The following ANKS1B variants were observed in gnomAD, a reference collection of about 807,000 sequenced individuals.
ANKS1B encodes the protein ankyrin repeat and sterile alpha motif domain-containing protein 1B.
In ANKS1B, 36 loss-of-function variants were observed where a neutral mutation model predicts 148.3. That is an observed-to-expected ratio of 0.24 (90% CI 0.19 to 0.32). The LOEUF is 0.32. ANKS1B is among the 10% of genes least tolerant of loss of function. The pLI is 1.00. For synonymous variants in ANKS1B, 542 were observed against 560.8 expected (o/e 0.97, Z 0.47); for missense variants, 1,157 against 1,542.6 (o/e 0.75, Z 4.19).
chr12:99,445,121 T>C (rs1031459017), intron 10 of ANKS1B, among the ~76,000 whole-genome samples: 5 of 152,030 alleles, frequency 3.3e-5, no homozygotes, highest in Non-Finnish European at 7.4e-5. Flanking sequence ...TGAATTGGCA[T>C]CACAAAAGAG....
At chr12:99,213,403 G>A (rs2083641355) in intron 14 of ANKS1B, among the ~76,000 whole-genome samples, 1 of 152,182 alleles carries the variant, frequency 6.6e-6, no homozygotes, top group African/African-American at 2.4e-5. Context: ...TCATAGGCCT[G>A]TAAGTAGAAA....
At chr12:99,597,659 A>G (rs944916153) in intron 9 of ANKS1B, among the ~76,000 whole-genome samples, 29 of 152,066 alleles carry the variant, frequency 1.9e-4, no homozygotes, top group African/African-American at 7.0e-4. Flanking sequence ...GATGATTTTT[A>G]CTGATTTTCT....
intron 8 of ANKS1B, among the ~76,000 whole-genome samples, chr12:99,771,791 A>G (rs2063220292): frequency 6.6e-6 from 1 of 152,136 alleles, no homozygotes; most frequent in South Asian, 2.1e-4. Context: ...AAACAAAAAA[A>G]GCAGGCCAAG....
At chr12:99,187,489 T>A (rs1011713577) in intron 14 of ANKS1B, among the ~76,000 whole-genome samples, 1 of 152,202 alleles carries the variant, frequency 6.6e-6, no homozygotes, top group African/African-American at 2.4e-5. Context: ...TAACAACGTA[T>A]CTGTCTGCAG....
At chr12:99,321,761 C>T (rs1048036954) in intron 12 of ANKS1B, among the ~76,000 whole-genome samples, 1 of 152,222 alleles carries the variant, frequency 6.6e-6, no homozygotes, top group Admixed American at 6.5e-5. Flanking sequence ...CACCTGTCTT[C>T]TGCATCACTC....
chr12:99,020,863 A>T (rs1232061357), intron 17 of ANKS1B, among the ~76,000 whole-genome samples: 2 of 152,186 alleles, frequency 1.3e-5, no homozygotes, highest in Non-Finnish European at 2.9e-5. Context: ...AATATAAAGA[A>T]TGCAGAGAAG....
chr12:99,900,933 AT>A (rs1383758856), intron 1 of ANKS1B, among the ~76,000 whole-genome samples: 3 of 152,166 alleles, frequency 2.0e-5, no homozygotes, highest in Admixed American at 6.5e-5. Flanking sequence ...CCATTATATA[AT>A]TTTTTCTCTG....
chr12:99,594,971 A>G (rs936252013), intron 9 of ANKS1B, among the ~76,000 whole-genome samples: 3 of 152,026 alleles, frequency 2.0e-5, no homozygotes, highest in Non-Finnish European at 4.4e-5. Context: ...AATCTTTTAC[A>G]TAAGGTCAAG....
intron 15 of ANKS1B, among the ~76,000 whole-genome samples, chr12:99,091,131 C>T (rs552146564): frequency 6.6e-6 from 1 of 152,240 alleles, no homozygotes; most frequent in Admixed American, 6.5e-5. Flanking sequence ...AAAAATATTA[C>T]ATCACTGACC....
intron 17 of ANKS1B, among the ~76,000 whole-genome samples, chr12:98,975,692 TGAGGAGCC>T (rs535275827): frequency 7.9e-5 from 12 of 152,282 alleles, no homozygotes; most frequent in African/African-American, 2.9e-4. Context: ...GGTGCCTCTC[TGAGGAGCC>T]CTTGGAGCAG....
intron 9 of ANKS1B, among the ~76,000 whole-genome samples, chr12:99,615,981 T>C (rs542349420): frequency 6.6e-6 from 1 of 152,112 alleles, no homozygotes; most frequent in Non-Finnish European, 1.5e-5. Context: ...TCACAAGCAT[T>C]CCTATACACC....
At chr12:99,327,586 T>C (rs1414435045) in intron 12 of ANKS1B, among the ~76,000 whole-genome samples, 1 of 148,102 alleles carries the variant, frequency 6.8e-6, no homozygotes, top group African/African-American at 2.5e-5. Flanking sequence ...ATCCCCATTA[T>C]TAAGCAACGC....
intron 17 of ANKS1B, among the ~76,000 whole-genome samples, chr12:99,015,294 T>C (rs558682589): frequency 1.3e-5 from 2 of 152,316 alleles, no homozygotes; most frequent in South Asian, 2.1e-4. Context: ...AAATACCTCA[T>C]GTTCTCATTT....
chr12:98,774,298 A>G lies in ANKS1B; in HGVS notation c.3442-1119T>C, dbSNP rs576304056. ...TGACTGTGGAGCTCAGGCTCTTTGA[A>G]ATGCATTGCAATGCCCTTCAACGTC... is the stretch of plus-strand genomic sequence containing the variant. On this transcript the variant is annotated intron_variant, in intron 24 of 26. Coordinates refer to ENST00000683438, the MANE Select transcript of ANKS1B (RefSeq NM_001352186.2). Among the ~76,000 whole-genome samples, 20 of 152,260 alleles carry G rather than the reference A, an allele frequency of 1.3e-4. No homozygotes were observed. In the East Asian group the frequency reaches 3.9e-3, roughly 29 times the overall value.
chr12:98,829,061 T>A lies in ANKS1B; in HGVS notation c.3066+113A>T. The A allele has an allele frequency of 8.2e-7, 1 of 1,215,768 alleles. No homozygotes were observed. The highest frequency in any genetic ancestry group is 1.2e-6 in the Non-Finnish European group (1 of 841,212). 75.3% of individuals were successfully genotyped at this position (1,215,768 alleles called of 1,614,324 possible). ...GAATGAAAGGCGGGGCATAACATGG[T>A]ATAAATTCTAGTTAGGCACGGACAA... On this transcript the variant is annotated intron_variant, in intron 19 of 26. Transcript: ENST00000683438. This position sits in a 1 kb window ranked among gnomAD's most constrained non-coding sequence, Gnocchi z 5.2.
At chr12:98,864,360 C>G (rs1029012706) in intron 17 of ANKS1B, among the ~76,000 whole-genome samples, 1 of 152,142 alleles carries the variant, frequency 6.6e-6, no homozygotes, top group South Asian at 2.1e-4. Flanking sequence ...ACAGTAGTCA[C>G]CCTACTGGGC....
rs778400050 is a variant in ANKS1B at position 98,745,783 on chromosome 12, C to A, written c.3814G>T (p.Ala1272Ser). 2.5e-6 allele frequency: 4 copies of A among 1,613,788 alleles called. No individual in the cohort carries two copies. Among genetic ancestry groups the A allele is most frequent in the Middle Eastern group, 1.6e-4 (1 of 6,062 alleles). ...LPWIVEPGQE[A>S]KRGINTKYET... is the part of the protein sequence containing the mutation. ...TACTTGGTATTAATGCCCCTCTTGG[C>A]TTCTTGGCCCGGCTCCACAATCCAC... The change falls in exon 27 of 27, where the codon GCC becomes TCC. Residue 1272 changes from alanine to serine, a missense_variant. Coordinates refer to ENST00000683438, the MANE Select transcript of ANKS1B (RefSeq NM_001352186.2).
At chr12:99,015,404 C>T (rs1018367484) in intron 17 of ANKS1B, among the ~76,000 whole-genome samples, 2 of 152,114 alleles carry the variant, frequency 1.3e-5, no homozygotes, top group African/African-American at 4.8e-5. Context: ...TGAAAAATAA[C>T]TTAATGGGTA....
chr12:99,201,983 A>T (rs747996728), intron 14 of ANKS1B, among the ~76,000 whole-genome samples: 46 of 152,116 alleles, frequency 3.0e-4, no homozygotes, highest in Non-Finnish European at 5.7e-4. Flanking sequence ...TGTACCATGT[A>T]CCAGGGCACT....
Sources: gnomAD v4.1 joint callset for allele counts (sites outside exome capture counted in the v4.1 genomes callset) on GRCh38, gnomAD v4.1.1 for gene constraint, Gnocchi (gnomAD v3.1) non-coding constraint, MANE v1.5 for transcripts, NCBI Gene and HGNC (gene_info 2026-07-23, HGNC 2026-07-21) for gene names.